Variants in ROBO2 observed in about 807,000 individuals in gnomAD.
ROBO2 encodes roundabout homolog 2.
A neutral mutation model predicts 160.8 loss-of-function variants in ROBO2; 53 were observed. The observed-to-expected ratio is 0.33, with a 90% CI of 0.26 to 0.41. The LOEUF is 0.41. ROBO2 is among the 10% of genes least tolerant of loss of function. ROBO2 has a pLI of 1.00. For missense variants in ROBO2, 1,577 were observed against 1,722.4 expected (o/e 0.92, Z 1.49); for synonymous variants, 664 against 611.7 (o/e 1.09, Z -1.26).
intron 2 of ROBO2, among the ~76,000 whole-genome samples, chr3:76,597,593 C>CAGATAACACT (rs1457134955): frequency 6.6e-6 from 1 of 152,010 alleles, no homozygotes; most frequent in Admixed American, 6.6e-5. Flanking sequence ...AATAAAAAAA[C>CAGATAACACT]AGATAACACT....
intron 2 of ROBO2, among the ~76,000 whole-genome samples, chr3:77,019,208 G>A (rs2062471930): frequency 6.6e-6 from 1 of 152,118 alleles, no homozygotes; most frequent in Admixed American, 6.5e-5. Flanking sequence ...TCTGGGGGCA[G>A]GAAAGTCCAA....
chr3:76,323,787 T>C (rs1271620984), intron 2 of ROBO2, among the ~76,000 whole-genome samples: 1 of 152,212 alleles, frequency 6.6e-6, no homozygotes, highest in East Asian at 1.9e-4. Flanking sequence ...ATTTTTCATA[T>C]GTATCTTCAT....
At chr3:75,995,518 G>T (rs932799510) in intron 2 of ROBO2, among the ~76,000 whole-genome samples, 3 of 152,208 alleles carry the variant, frequency 2.0e-5, no homozygotes, top group African/African-American at 7.2e-5. Context: ...GCAGAAGTCT[G>T]CTTGCAGGGG....
At chr3:76,680,230 C>G (rs1361687626) in intron 2 of ROBO2, among the ~76,000 whole-genome samples, 6 of 151,966 alleles carry the variant, frequency 3.9e-5, no homozygotes, top group African/African-American at 1.5e-4. Flanking sequence ...TTACTTAGTT[C>G]TATAAAATGT....
At chr3:76,690,720 G>A (rs1312661100) in intron 2 of ROBO2, among the ~76,000 whole-genome samples, 1 of 151,892 alleles carries the variant, frequency 6.6e-6, no homozygotes, top group Non-Finnish European at 1.5e-5. Context: ...CTGGCTTCTC[G>A]CTATTGTATC....
At chr3:76,858,352 T>A (rs2070369550) in intron 2 of ROBO2, among the ~76,000 whole-genome samples, 1 of 152,098 alleles carries the variant, frequency 6.6e-6, no homozygotes, top group Admixed American at 6.6e-5. Context: ...AGCCTCTACC[T>A]CTCAAGTTCA....
chr3:77,597,082 C>T (rs2094322774), intron 19 of ROBO2, among the ~76,000 whole-genome samples: 1 of 151,908 alleles, frequency 6.6e-6, no homozygotes, highest in Non-Finnish European at 1.5e-5. Context: ...TGGTTTTGGA[C>T]TAGAGGTTTC....
intron 2 of ROBO2, among the ~76,000 whole-genome samples, chr3:77,319,286 T>C (rs941028009): frequency 6.6e-6 from 1 of 152,320 alleles, no homozygotes. Context: ...GAATTAATCA[T>C]TCTTTTACAT....
In ROBO2 at chr3:77,184,193, G is replaced by A. The variant is rs199903753; in HGVS notation, c.388+85853G>A. Among the ~76,000 whole-genome samples the A allele has an allele frequency of 5.3e-5, 8 of 152,110 alleles. No individual in the cohort carries two copies. The East Asian group carries it at 1.5e-3, about 29-fold the overall frequency. ...GGTTTTCACTAATTACAAAGTGTAT[G>A]CGTTTTCTCCTTATAAATCTTGCAT... On this transcript the variant is annotated intron_variant, in intron 2 of 25. Coordinates refer to ENST00000461745, the Ensembl canonical transcript of ROBO2.
At chr3:76,187,464 G>T (rs1448711919) in intron 2 of ROBO2, among the ~76,000 whole-genome samples, 9 of 151,876 alleles carry the variant, frequency 5.9e-5, no homozygotes, top group African/African-American at 2.2e-4. Flanking sequence ...TTTTAGAAGT[G>T]AGGTCTTGCT....
chr3:76,912,840 A>AT (rs60311687), intron 2 of ROBO2, among the ~76,000 whole-genome samples: 18,643 of 152,200 alleles, frequency 0.12, 2,161 homozygotes, highest in African/African-American at 0.31. Flanking sequence ...GAAGGGAACT[A>AT]TTAATGACGA....
intron 6 of ROBO2, among the ~76,000 whole-genome samples, chr3:77,542,814 C>G (rs1431625058): frequency 6.6e-6 from 1 of 152,192 alleles, no homozygotes; most frequent in Non-Finnish European, 1.5e-5. Flanking sequence ...TGCTCTTTCT[C>G]TAATCCTCAT....
chr3:76,036,186 G>A (rs1388732568), intron 2 of ROBO2, among the ~76,000 whole-genome samples: 2 of 151,970 alleles, frequency 1.3e-5, no homozygotes, highest in African/African-American at 4.8e-5. Context: ...GTCTCACTCT[G>A]TCGCCCAGGC....
chr3:77,610,741 CAAAAAAAAAAAAAA>C (rs71629658), intron 21 of ROBO2, among the ~76,000 whole-genome samples: 1,471 of 19,906 alleles, frequency 0.074, 55 homozygotes, highest in African/African-American at 0.21. Flanking sequence ...GGCCAAAGAC[CAAAAAAAAAAAAAA>C]AAAAAAAAAA....
At chr3:76,630,023 T>G (rs577467447) in intron 2 of ROBO2, among the ~76,000 whole-genome samples, 3 of 152,304 alleles carry the variant, frequency 2.0e-5, no homozygotes, top group African/African-American at 7.2e-5. Context: ...GAGTAGTTGT[T>G]TTTTGCTGCT....
chr3:76,082,757 C>T (rs904018584), intron 2 of ROBO2, among the ~76,000 whole-genome samples: 3 of 151,822 alleles, frequency 2.0e-5, no homozygotes, highest in African/African-American at 7.3e-5. Flanking sequence ...TATCATTTTC[C>T]CACTAGTATG....
At chr3:77,341,775 G>A (rs990373906) in intron 2 of ROBO2, among the ~76,000 whole-genome samples, 2 of 152,044 alleles carry the variant, frequency 1.3e-5, no homozygotes, top group East Asian at 3.9e-4. Flanking sequence ...TTGTGGAATA[G>A]ATTTTGCAGA....
chr3:77,420,848 T>G lies in ROBO2; in HGVS notation c.389-56566T>G, dbSNP rs148803034. On this transcript the variant is annotated intron_variant, in intron 2 of 25. Coordinates refer to ENST00000461745, the Ensembl canonical transcript of ROBO2. ...GTTTCCCTTATCAAATGCTATATCA[T>G]TGCACTCTATAAAATGAGTAGATTT... Among the ~76,000 whole-genome samples, 160 of 152,248 alleles carry G rather than the reference T, an allele frequency of 1.1e-3. 4 individuals are homozygous for G. The East Asian group carries it at 0.027, about 26-fold the overall frequency.
chr3:77,147,097 C>T (rs1249292330), intron 2 of ROBO2, among the ~76,000 whole-genome samples: 2 of 152,078 alleles, frequency 1.3e-5, no homozygotes, highest in Non-Finnish European at 2.9e-5. Flanking sequence ...TAAGAAGAAA[C>T]AATACTATCA....
Sources: allele counts gnomAD v4.1 joint callset (sites outside exome capture counted in the v4.1 genomes callset), GRCh38; gene constraint gnomAD v4.1.1; transcripts MANE v1.5; gene names NCBI Gene and HGNC (gene_info 2026-07-23, HGNC 2026-07-21).